Variants in USO1 observed in about 807,000 individuals in gnomAD.
The protein encoded by USO1 is USO1 vesicle transport factor.
In USO1, 57 loss-of-function variants were observed where a neutral mutation model predicts 124.5. The ratio of observed to expected loss-of-function variants is 0.46; its 90% confidence interval spans 0.37 to 0.57. The LOEUF (loss-of-function observed/expected upper bound fraction) is 0.57. USO1 is among the 20% of genes least tolerant of loss of function. The probability of loss-of-function intolerance (pLI) is 0.00; values close to 1 mark genes in which losing one functional copy is unlikely to be tolerated. For missense variants in USO1, 900 were observed against 1,040.6 expected (o/e 0.86, Z 1.86); for synonymous variants, 369 against 362.8 (o/e 1.02, Z -0.19).
chr4:75,737,216 C>T (rs192914620), intron 1 of USO1, among the ~76,000 whole-genome samples: 40 of 152,312 alleles, frequency 2.6e-4, no homozygotes, highest in African/African-American at 9.1e-4. Context: ...GTTTCCTCAT[C>T]TCTAAAATAT....
intron 4 of USO1, among the ~76,000 whole-genome samples, chr4:75,761,912 G>C (rs1429783930): frequency 6.6e-6 from 1 of 152,172 alleles, no homozygotes; most frequent in Admixed American, 6.5e-5. Flanking sequence ...TTTGACATCA[G>C]ATGATACCAG....
chr4:75,757,122 C>T (rs1298825151), intron 3 of USO1, among the ~76,000 whole-genome samples: 3 of 146,870 alleles, frequency 2.0e-5, no homozygotes, highest in African/African-American at 2.5e-5. Flanking sequence ...AATAACTGTG[C>T]ATAAATTTTT....
intron 9 of USO1, among the ~76,000 whole-genome samples, chr4:75,784,120 A>C (rs1004429766): frequency 6.6e-6 from 1 of 152,218 alleles, no homozygotes; most frequent in Non-Finnish European, 1.5e-5. Context: ...TCCCTGGCTC[A>C]AGAAATCCCC....
At chr4:75,800,325 C>T in intron 14 of USO1, 26 bp from the exon 15 acceptor site, 1 of 1,553,802 alleles carries the variant, frequency 6.4e-7, no homozygotes, top group Non-Finnish European at 8.7e-7. Flanking sequence ...ATTTTCAATC[C>T]TTAGCCTCCT....
At chr4:75,773,844 G>C (rs1347229632) in intron 7 of USO1, among the ~76,000 whole-genome samples, 1 of 152,138 alleles carries the variant, frequency 6.6e-6, no homozygotes, top group African/African-American at 2.4e-5. Flanking sequence ...GTAGCCAACA[G>C]CTAGTTTGCC....
In USO1 at chr4:75,729,328, C is replaced by G. The variant is rs537184688; in HGVS notation, c.66+4443C>G. ...GCTTAGTGTTATATCTGCCTTCTAT[C>G]TAGCACCTTTTTTTTGGGTAGGGGG... On this transcript the variant is annotated intron_variant, in intron 1 of 23. Transcript: ENST00000514213. Among the ~76,000 whole-genome samples the G allele has an allele frequency of 2.6e-5, 4 of 151,710 alleles. No homozygotes were observed. The South Asian group carries it at 8.4e-4, about 32-fold the overall frequency.
rs190226259 is a variant in USO1, at chr4:75,759,883, C to G, written c.295+2310C>G. Among the ~76,000 whole-genome samples, 16 of 150,280 alleles carry G rather than the reference C, an allele frequency of 1.1e-4. No individual in the cohort carries two copies. In the East Asian group the frequency reaches 3.2e-3, roughly 30 times the overall value. ...AAGATTGTGCCACTGCACTCTCCAG[C>G]CTGGGCAACAGAACAAGACTCTGTC... is the stretch of plus-strand genomic sequence containing the variant. On this transcript the variant is annotated intron_variant, in intron 4 of 23. Coordinates refer to ENST00000514213, the MANE Select transcript of USO1 (RefSeq NM_003715.4).
intron 1 of USO1, among the ~76,000 whole-genome samples, chr4:75,750,229 T>C (rs1331582523): frequency 3.3e-5 from 5 of 151,762 alleles, no homozygotes; most frequent in Non-Finnish European, 5.9e-5. Context: ...AGCCCAGGAG[T>C]TTGAGAGCAG....
chr4:75,727,220 G>A (rs1720489783), intron 1 of USO1, among the ~76,000 whole-genome samples: 1 of 152,190 alleles, frequency 6.6e-6, no homozygotes, highest in Non-Finnish European at 1.5e-5. Context: ...GAGCACTAAA[G>A]TAGCTTGCAC....
At chr4:75,753,371 AAAAATAAC>A (rs1194153775) in intron 3 of USO1, among the ~76,000 whole-genome samples, 21,131 of 151,786 alleles carry the variant, frequency 0.14, 2,527 homozygotes, top group African/African-American at 0.32. Flanking sequence ...GGTCTCTACT[AAAAATAAC>A]AAAAATTAGC....
chr4:75,806,044 C>T (rs563383508), intron 19 of USO1, among the ~76,000 whole-genome samples: 72 of 152,048 alleles, frequency 4.7e-4, no homozygotes, highest in Admixed American at 2.3e-3. Flanking sequence ...CAGTCTGGAG[C>T]GCAGTGGCAC....
chr4:75,744,998 G>C (rs1290357261), intron 1 of USO1: 1 of 424,982 alleles, frequency 2.4e-6, no homozygotes, highest in African/African-American at 2.1e-5. Flanking sequence ...CTTAAATTTA[G>C]GTCTTTCCGT....
rs913248057 is a variant in USO1, at chr4:75,799,670, T to C, written c.1501T>C (p.Trp501Arg). ...TGGATTATTAATGTTGCTTTGTACC[T>C]GGCTAAGCAATTGTCCCATTGCAGT... Reference protein sequence around the residue: ...RVGLLMLLCTWLSNCPIAVTH... With the variant: ...RVGLLMLLCTRLSNCPIAVTH... The change falls in exon 14 of 24, where the codon TGG becomes CGG. Residue 501 changes from tryptophan (W) to arginine (R), a missense_variant. This residue lies in a region of USO1 where 538 missense variants were observed against 681.6 expected (regional missense o/e 0.79). Transcript: ENST00000514213. The C allele has an allele frequency of 6.2e-7, 1 of 1,613,812 alleles. No homozygotes were observed. Among genetic ancestry groups the C allele is most frequent in the Non-Finnish European group, 8.5e-7 (1 of 1,179,794 alleles).
chr4:75,765,515 A>G (rs1175772570), intron 4 of USO1, among the ~76,000 whole-genome samples: 3 of 152,160 alleles, frequency 2.0e-5, no homozygotes, highest in South Asian at 2.1e-4. Flanking sequence ...AAAAGATTCT[A>G]CCAGCTCCCA....
intron 12 of USO1, 32 bp from the exon 13 acceptor site, chr4:75,793,653 CTAATA>C: frequency 6.4e-7 from 1 of 1,557,206 alleles, no homozygotes. Flanking sequence ...ACGTCAAAAT[CTAATA>C]TATTTTTATT....
chr4:75,812,374 C>T lies in USO1; in HGVS notation c.2798C>T (p.Pro933Leu). 6.3e-7 allele frequency: 1 copy of T among 1,575,576 alleles called. No homozygotes were observed. Among genetic ancestry groups the T allele is most frequent in the Non-Finnish European group, 8.6e-7 (1 of 1,161,242 alleles). Residue 933 changes from proline (P) to leucine (L), a missense_variant and splice_region_variant, in exon 23 of 24, where the codon CCA (proline) becomes CTA (leucine). Coordinates refer to ENST00000514213, the MANE Select transcript of USO1 (RefSeq NM_003715.4). ...AATAAACTCAAGGATCTTGGTCATC[C>T]AGTAAGATTAAAATGTCTCCAAAAA... ...LKNKLKDLGH[P>L]VEEEDELESG...
chr4:75,808,523 T>C (rs1485729954), intron 20 of USO1, among the ~76,000 whole-genome samples: 1 of 152,200 alleles, frequency 6.6e-6, no homozygotes, highest in Non-Finnish European at 1.5e-5. Context: ...AATGCATTCA[T>C]TGTAAGTCAG....
rs925798918 is a variant in USO1, at chr4:75,753,669, G to A, written c.218+1065G>A. Among the ~76,000 whole-genome samples the A allele has an allele frequency of 3.4e-3, 524 of 152,008 alleles. 1 individual carries two copies. Among genetic ancestry groups the A allele is most frequent in the African/African-American group, 0.012 (478 of 41,466 alleles). ...GGAAGTCAAGGCTGCAGTGAGCCGT[G>A]ATCATACCACTGTATTCCAACCTGG... is the stretch of plus-strand genomic sequence containing the variant. On this transcript the variant is annotated intron_variant, in intron 3 of 23. Transcript: ENST00000514213.
rs138624318 is a variant in USO1 at position 75,735,679 on chromosome 4, C to G, written c.66+10794C>G. ...GGGACTACAGGTACAAGGCACCACG[C>G]TTGGCTGATTTTTAATTTTCTTGTA... On this transcript the variant is annotated intron_variant, in intron 1 of 23. Coordinates refer to ENST00000514213, the MANE Select transcript of USO1 (RefSeq NM_003715.4). Among the ~76,000 whole-genome samples, 270 of 152,220 alleles carry G rather than the reference C, an allele frequency of 1.8e-3. 1 individual carries two copies. Among genetic ancestry groups the G allele is most frequent in the African/African-American group, 6.3e-3 (261 of 41,540 alleles).
Sources: allele counts gnomAD v4.1 joint callset (sites outside exome capture counted in the v4.1 genomes callset), GRCh38; gene constraint gnomAD v4.1.1; regional missense constraint gnomAD v4.1.1; transcripts MANE v1.5; gene names NCBI Gene and HGNC (gene_info 2026-07-23, HGNC 2026-07-21).